Variants in PRRX1 observed in about 807,000 individuals in gnomAD.
PRRX1 encodes the protein paired mesoderm homeobox protein 1.
In PRRX1, 8 loss-of-function variants were observed where a neutral mutation model predicts 24.0. That is an observed-to-expected ratio of 0.33 (90% confidence interval 0.20 to 0.60). The LOEUF is 0.60. Among genes scored for constraint, PRRX1 ranks in the 20% least tolerant of loss-of-function variants. PRRX1 has a pLI of 0.82. For missense variants in PRRX1, 281 were observed against 322.4 expected (o/e 0.87, Z 0.98); for synonymous variants, 160 against 131.7 (o/e 1.22, Z -1.47).
At chr1:170,709,405 C>G (rs374907472) in intron 1 of PRRX1, among the ~76,000 whole-genome samples, 1 of 152,218 alleles carries the variant, frequency 6.6e-6, no homozygotes, top group South Asian at 2.1e-4. Flanking sequence ...AGCAGTACAA[C>G]TAGAGTGGAG....
chr1:170,733,025 G>A (rs1655488269), intron 3 of PRRX1, among the ~76,000 whole-genome samples: 1 of 152,148 alleles, frequency 6.6e-6, no homozygotes, highest in South Asian at 2.1e-4. Flanking sequence ...AATCTCCTGT[G>A]TAATAGATGA....
intron 3 of PRRX1, among the ~76,000 whole-genome samples, chr1:170,733,204 C>T (rs1655494524): frequency 6.6e-6 from 1 of 152,148 alleles, no homozygotes; most frequent in Non-Finnish European, 1.5e-5. Flanking sequence ...CTAGTTGACT[C>T]TGAAATCACT....
chr1:170,712,193 A>AT (rs963155471), intron 1 of PRRX1, among the ~76,000 whole-genome samples: 7 of 151,862 alleles, frequency 4.6e-5, no homozygotes, highest in East Asian at 1.9e-4. Flanking sequence ...TGCTTTCTAG[A>AT]TTTTTTTTCC....
intron 1 of PRRX1, among the ~76,000 whole-genome samples, chr1:170,666,802 G>C (rs1267818768): frequency 6.6e-6 from 1 of 152,164 alleles, no homozygotes; most frequent in Non-Finnish European, 1.5e-5. Flanking sequence ...CCACTCCCAA[G>C]AAGGGAGCTC....
chr1:170,726,395 C>T lies in PRRX1; in HGVS notation c.593C>T (p.Pro198Leu), dbSNP rs1464419142. The change falls in exon 3 of 4, where the codon CCG (proline) becomes CTG (leucine). Residue 198 changes from proline to leucine, a missense_variant. Transcript: ENST00000239461. ...TDYLSWGTASPYSAMATYSAT... is the reference protein window; with the variant it reads ...TDYLSWGTASLYSAMATYSAT... ...TATCTCTCCTGGGGGACAGCGTCTC[C>T]GTACAGGTGAATGACTGGCCCACTC... 3.1e-6 allele frequency: 5 copies of T among 1,613,840 alleles called. No individual in the cohort carries two copies. Among genetic ancestry groups the T allele is most frequent in the East Asian group, 2.2e-5 (1 of 44,882 alleles).
chr1:170,698,366 A>T (rs963318722), intron 1 of PRRX1, among the ~76,000 whole-genome samples: 17 of 152,178 alleles, frequency 1.1e-4, no homozygotes, highest in African/African-American at 2.7e-4. Context: ...AACACTTTTT[A>T]AAAAAATTAA....
In PRRX1 at chr1:170,693,608, A is replaced by T. The variant is rs1654065827; in HGVS notation, c.242-26118A>T. Among the ~76,000 whole-genome samples, 8 of 152,286 alleles carry T rather than the reference A, an allele frequency of 5.3e-5. No individual in the cohort carries two copies. The South Asian group carries it at 1.7e-3, about 32-fold the overall frequency. On this transcript the variant is annotated intron_variant, in intron 1 of 3. Transcript: ENST00000239461. ...AAATAATTTGGAAATGTATGTTGTTAGATAAAACTTACTCAGCTAGACTCT... is the reference window on the plus strand; with the variant it reads ...AAATAATTTGGAAATGTATGTTGTTTGATAAAACTTACTCAGCTAGACTCT...
chr1:170,718,237 A>C (rs1654967448), intron 1 of PRRX1, among the ~76,000 whole-genome samples: 1 of 152,222 alleles, frequency 6.6e-6, no homozygotes, highest in Admixed American at 6.5e-5. Flanking sequence ...TCAAGAAGAA[A>C]TGTGCAGTCT....
Position 170,736,544 on chromosome 1 carries a change from C to CTATA in PRRX1, c.*382_*385dup, listed in dbSNP as rs61148079. 4.3e-3 allele frequency: 988 copies of CTATA among 227,764 alleles called. 4 individuals carry two copies. Among genetic ancestry groups the CTATA allele is most frequent in the African/African-American group, 8.8e-3 (363 of 41,204 alleles). 14.1% of individuals were successfully genotyped at this position (227,764 alleles called of 1,614,324 possible). ...AAAAAAACTACAGCAGCCAAAGAAACTATATATATATATATATATATATAT... is the reference window on the plus strand; with the variant it reads ...AAAAAAACTACAGCAGCCAAAGAAACTATATATATATATATATATATATATATAT... On this transcript the variant is annotated 3_prime_UTR_variant, in exon 4 of 4. Coordinates refer to ENST00000239461, the MANE Select transcript of PRRX1 (RefSeq NM_022716.4).
At chr1:170,678,107 T>C (rs1413307743) in intron 1 of PRRX1, among the ~76,000 whole-genome samples, 1 of 152,246 alleles carries the variant, frequency 6.6e-6, no homozygotes, top group Non-Finnish European at 1.5e-5. Context: ...CCATGTTAAC[T>C]ATAATTATAC....
chr1:170,712,000 A>T (rs1654767376), intron 1 of PRRX1, among the ~76,000 whole-genome samples: 1 of 152,232 alleles, frequency 6.6e-6, no homozygotes, highest in African/African-American at 2.4e-5. Flanking sequence ...TTGTGTTTTT[A>T]GGCATATGGC....
chr1:170,728,403 A>G (rs1414135590), intron 3 of PRRX1: 2 of 152,230 alleles, frequency 1.3e-5, no homozygotes, highest in Non-Finnish European at 2.9e-5. Flanking sequence ...AAAAACATCC[A>G]TAATTCACCA....
chr1:170,723,951 T>C (rs566259742), intron 2 of PRRX1, among the ~76,000 whole-genome samples: 3 of 150,958 alleles, frequency 2.0e-5, no homozygotes, highest in East Asian at 2.0e-4. Flanking sequence ...GTCCATCATA[T>C]GTGGTGCATG....
chr1:170,666,462 G>A (rs1321844133), intron 1 of PRRX1, among the ~76,000 whole-genome samples: 2 of 149,880 alleles, frequency 1.3e-5, no homozygotes, highest in Admixed American at 6.6e-5. Context: ...AGCATTTGGT[G>A]TAGACCCCAG....
At chr1:170,686,753 C>G (rs1653756399) in intron 1 of PRRX1, among the ~76,000 whole-genome samples, 1 of 152,176 alleles carries the variant, frequency 6.6e-6, no homozygotes, top group Non-Finnish European at 1.5e-5. Flanking sequence ...ACACCTCTCT[C>G]TAACTTGCAC....
Position 170,664,216 on chromosome 1 carries a change from A to C in PRRX1, c.-3A>C. ...GGGGTGGGTGGGATCGGTGGGGGAG[A>C]CCATGACCTCCAGCTACGGGCACGT... On this transcript the variant is annotated 5_prime_UTR_variant, in exon 1 of 4. Coordinates refer to ENST00000239461, the MANE Select transcript of PRRX1 (RefSeq NM_022716.4). 6.2e-7 allele frequency: 1 copy of C among 1,608,686 alleles called. No homozygotes were observed. Among genetic ancestry groups the C allele is most frequent in the Non-Finnish European group, 8.5e-7 (1 of 1,178,320 alleles).
intron 1 of PRRX1, among the ~76,000 whole-genome samples, chr1:170,699,690 C>T (rs889874259): frequency 6.6e-6 from 1 of 152,074 alleles, no homozygotes; most frequent in African/African-American, 2.4e-5. Flanking sequence ...CACAATGAAA[C>T]AAAGCAACAC....
intron 2 of PRRX1, among the ~76,000 whole-genome samples, chr1:170,722,249 T>C (rs1655114314): frequency 6.6e-6 from 1 of 152,190 alleles, no homozygotes; most frequent in South Asian, 2.1e-4. Flanking sequence ...TTATGGCATT[T>C]ATCATAACAT....
chr1:170,663,763 CTCT>C (rs1371536995), upstream of PRRX1: 5 of 158,218 alleles, frequency 3.2e-5, no homozygotes, highest in East Asian at 3.5e-4. Context: ...CCCTTCTTCT[CTCT>C]TCTTCTGTTT....
Sources: gnomAD v4.1 joint callset for allele counts (sites outside exome capture counted in the v4.1 genomes callset) on GRCh38, gnomAD v4.1.1 for gene constraint, MANE v1.5 for transcripts, NCBI Gene and HGNC (gene_info 2026-07-23, HGNC 2026-07-21) for gene names.